The following LRIF1 variants were observed in gnomAD, a reference collection of about 807,000 sequenced individuals.
LRIF1 encodes ligand-dependent nuclear receptor-interacting factor 1.
In LRIF1, 32 loss-of-function variants were observed where a neutral mutation model predicts 52.7. That is an observed-to-expected ratio of 0.61 (90% CI 0.46 to 0.82). The LOEUF is 0.82. Ranked by LOEUF, LRIF1 falls within the 40% of genes least tolerant of loss-of-function variation. The pLI, the probability that LRIF1 is intolerant of heterozygous loss-of-function variation, is 0.00. For synonymous variants in LRIF1, 323 were observed against 317.4 expected (o/e 1.02, Z -0.19); for missense variants, 887 against 892.0 (o/e 0.99, Z 0.07).
At chr1:110,957,709 T>C (rs979337396) in intron 1 of LRIF1, among the ~76,000 whole-genome samples, 1 of 152,220 alleles carries the variant, frequency 6.6e-6, no homozygotes, top group Admixed American at 6.5e-5. Context: ...CATTCAATCA[T>C]ATGGCAGCGC....
downstream of LRIF1, among the ~76,000 whole-genome samples, chr1:110,945,844 A>G (rs1207128714): frequency 6.6e-6 from 1 of 152,232 alleles, no homozygotes; most frequent in Non-Finnish European, 1.5e-5. Flanking sequence ...CTGACAATTG[A>G]CTACTGAATC....
rs542067453 is a variant in LRIF1, at chr1:110,948,093, C to T, written c.2176G>A (p.Glu726Lys). 1.7e-5 allele frequency: 28 copies of T among 1,613,938 alleles called. No individual in the cohort carries two copies. Among genetic ancestry groups the T allele is most frequent in the Middle Eastern group, 1.7e-4 (1 of 6,060 alleles). The change falls in exon 4 of 4, where the codon GAA (glutamate) becomes AAA (lysine). Residue 726 changes from glutamate to lysine, a missense_variant. Glu to Lys is a moderately conservative substitution (Grantham distance 56). Transcript: ENST00000369763. The stretch of plus-strand genomic sequence containing the variant: ...GGTGGTGTCACTGGGAAAATATCTT[C>T]GGTATAATTTTTATTGAAGAAATGA... ...QSHFFNKNYT[E>K]DIFPVTPPEL... is the part of the protein sequence containing the mutation.
the LRIF1 span, among the ~76,000 whole-genome samples, chr1:110,930,257 C>T: frequency 1.3e-5 from 2 of 152,136 alleles, no homozygotes; most frequent in East Asian, 1.9e-4. Context: ...TTGTAGAATG[C>T]CCCTCAATTT....
chr1:110,961,123 T>C (rs1202585418), intron 1 of LRIF1, among the ~76,000 whole-genome samples: 1 of 152,240 alleles, frequency 6.6e-6, no homozygotes, highest in Non-Finnish European at 1.5e-5. Flanking sequence ...GGATAGCTGA[T>C]ACTTATGTTT....
At chr1:110,917,133 T>A in the LRIF1 span, among the ~76,000 whole-genome samples, 6 of 152,232 alleles carry the variant, frequency 3.9e-5, no homozygotes, top group African/African-American at 1.4e-4. Flanking sequence ...CTCCTACTCC[T>A]GAGCCAGAGT....
At chr1:110,885,598 C>T in the LRIF1 span, among the ~76,000 whole-genome samples, 2 of 151,870 alleles carry the variant, frequency 1.3e-5, no homozygotes, top group Admixed American at 6.6e-5. Context: ...TGCGGTGGCT[C>T]AAGCCTGTAA....
At chr1:110,945,609 A>T (rs950707504), downstream of LRIF1, among the ~76,000 whole-genome samples, 3 of 152,186 alleles carry the variant, frequency 2.0e-5, no homozygotes, top group African/African-American at 7.2e-5. Context: ...TACTTTTAGT[A>T]GAGACGGGGT....
At chr1:110,905,426 T>C in the LRIF1 span, among the ~76,000 whole-genome samples, 1 of 151,310 alleles carries the variant, frequency 6.6e-6, no homozygotes, top group Admixed American at 6.6e-5. Context: ...GGAGCTCCAA[T>C]ACATCTGGTA....
downstream of LRIF1, among the ~76,000 whole-genome samples, chr1:110,946,550 T>G (rs1658208416): frequency 6.6e-6 from 1 of 152,136 alleles, no homozygotes; most frequent in Non-Finnish European, 1.5e-5. Flanking sequence ...CTAGCTGATC[T>G]GTGTATTTCA....
At chr1:110,951,166 T>C (rs1417680856) in intron 2 of LRIF1, 122 bp downstream of exon 2, 6 of 773,338 alleles carry the variant, frequency 7.8e-6, no homozygotes, top group Non-Finnish European at 1.2e-5. Context: ...CATATGTGTA[T>C]AGTCTGTGTG....
chr1:110,915,228 G>A, the LRIF1 span, among the ~76,000 whole-genome samples: 7 of 152,212 alleles, frequency 4.6e-5, no homozygotes, highest in African/African-American at 1.7e-4. Flanking sequence ...GCTCAAGCCT[G>A]TAATCCCAGC....
chr1:110,907,422 G>A, the LRIF1 span, among the ~76,000 whole-genome samples: 2 of 152,066 alleles, frequency 1.3e-5, no homozygotes, highest in African/African-American at 4.8e-5. Context: ...ATTTTGGTGG[G>A]CATCTTGCTC....
chr1:110,903,437 C>T, the LRIF1 span, among the ~76,000 whole-genome samples: 1 of 152,134 alleles, frequency 6.6e-6, no homozygotes, highest in Non-Finnish European at 1.5e-5. Flanking sequence ...ACCAGGTCAG[C>T]CACAGCAGAT....
chr1:110,915,952 C>CT, the LRIF1 span, among the ~76,000 whole-genome samples: 1 of 152,156 alleles, frequency 6.6e-6, no homozygotes, highest in Admixed American at 6.5e-5. Flanking sequence ...TGACTGTTGC[C>CT]TATCTTCGAT....
chr1:110,950,023 C>G lies in LRIF1; in HGVS notation c.1697G>C (p.Ser566Thr). The G allele has an allele frequency of 6.2e-7, 1 of 1,614,158 alleles. No homozygotes were observed. The highest frequency in any genetic ancestry group is 8.5e-7 in the Non-Finnish European group (1 of 1,180,026). Residue 566 changes from serine (S) to threonine (T), a missense_variant, in exon 3 of 4, where the codon AGT (serine) becomes ACT (threonine). Coordinates refer to ENST00000369763, the MANE Select transcript of LRIF1 (RefSeq NM_018372.4). ...GRSNKALHLKSDAEFKKIFGL... is the reference protein window; with the variant it reads ...GRSNKALHLKTDAEFKKIFGL... ...AAATATCTTTTTAAATTCAGCATCA[C>G]TCTTCAGATGTAATGCCTTATTACT...
At chr1:110,915,114 A>T in the LRIF1 span, among the ~76,000 whole-genome samples, 1 of 152,274 alleles carries the variant, frequency 6.6e-6, no homozygotes, top group Non-Finnish European at 1.5e-5. Context: ...TATAGTACAT[A>T]GTAAAAATAA....
At chr1:110,901,501 G>A in the LRIF1 span, among the ~76,000 whole-genome samples, 5 of 104,028 alleles carry the variant, frequency 4.8e-5, no homozygotes, top group Admixed American at 1.2e-4. Context: ...TTTTTTAGAC[G>A]GAGTCTCACT....
chr1:110,920,429 A>G, the LRIF1 span, among the ~76,000 whole-genome samples: 1 of 152,214 alleles, frequency 6.6e-6, no homozygotes, highest in Non-Finnish European at 1.5e-5. Flanking sequence ...AAATAAGCCA[A>G]TGTGAAGGCT....
At chr1:110,940,108 G>A in the LRIF1 span, 3 of 151,916 alleles carry the variant, frequency 2.0e-5, no homozygotes, top group African/African-American at 7.3e-5. Flanking sequence ...TTAAAAACCA[G>A]AATACGTAAG....
Sources: allele counts gnomAD v4.1 joint callset (sites outside exome capture counted in the v4.1 genomes callset), GRCh38; gene constraint gnomAD v4.1.1; transcripts MANE v1.5; gene names NCBI Gene and HGNC (gene_info 2026-07-23, HGNC 2026-07-21).